VPS37A: variants seen among roughly 807,000 people sequenced by gnomAD.
VPS37A encodes the protein vacuolar protein sorting-associated protein 37A.
In VPS37A, 30 loss-of-function variants were observed where a neutral mutation model predicts 49.8. The observed-to-expected ratio is 0.60, with a 90% confidence interval of 0.45 to 0.82. The LOEUF (loss-of-function observed/expected upper bound fraction) is 0.82, where lower values mean the gene tolerates loss of function less well. VPS37A is among the 40% of genes least tolerant of loss of function. VPS37A has a pLI of 0.00. For missense variants in VPS37A, 593 were observed against 464.4 expected (o/e 1.28, Z -2.55); for synonymous variants, 195 against 160.6 (o/e 1.21, Z -1.62).
At chr8:17,283,259 GATCCTCCCAATTC>G (rs1815261733) in intron 9 of VPS37A, among the ~76,000 whole-genome samples, 2 of 151,818 alleles carry the variant, frequency 1.3e-5, no homozygotes, top group African/African-American at 4.8e-5. Context: ...AGGCTCAAGC[GATCCTCCCAATTC>G]ATCCTCCCAA....
At chr8:17,299,065 T>C (rs960912706), downstream of VPS37A, 8 of 152,220 alleles carry the variant, frequency 5.3e-5, no homozygotes, top group African/African-American at 1.2e-4. Context: ...ACACTGTCGG[T>C]AGTGTAGTCT....
intron 1 of VPS37A, among the ~76,000 whole-genome samples, chr8:17,254,895 T>G (rs1285367666): frequency 6.6e-6 from 1 of 152,354 alleles, no homozygotes; most frequent in African/African-American, 2.4e-5. Flanking sequence ...GATGTTTGTC[T>G]GTCTGTTCTC....
chr8:17,285,764 T>C (rs1815530898), intron 10 of VPS37A, among the ~76,000 whole-genome samples: 1 of 152,254 alleles, frequency 6.6e-6, no homozygotes, highest in Non-Finnish European at 1.5e-5. Flanking sequence ...AGCTTGTATC[T>C]GTTAATCTTC....
At position 17,295,181 on chromosome 8, in the gene VPS37A, C is replaced by G. The variant is rs1001028506; in HGVS notation, c.*195C>G. ...ATGATCTTTGAGAAATTTTTCTGCA[C>G]TATTTGCACTGAAATGTTTATTTAT... On this transcript the variant is annotated 3_prime_UTR_variant, in exon 12 of 12. Coordinates refer to ENST00000324849, the MANE Select transcript of VPS37A (RefSeq NM_152415.3). 3 of 152,644 alleles carry G rather than the reference C, an allele frequency of 2.0e-5. No individual in the cohort carries two copies. The highest frequency in any genetic ancestry group is 7.2e-5 in the African/African-American group (3 of 41,464). 9.5% of individuals were successfully genotyped at this position (152,644 alleles called of 1,614,324 possible).
intron 1 of VPS37A, among the ~76,000 whole-genome samples, chr8:17,260,743 GTTGT>G (rs778177433): frequency 1.2e-3 from 177 of 152,264 alleles, no homozygotes; most frequent in Non-Finnish European, 1.4e-3. Flanking sequence ...TGGATGGCAA[GTTGT>G]TTGTTTGTTT....
At chr8:17,328,277 T>C in the VPS37A span, among the ~76,000 whole-genome samples, 1 of 152,132 alleles carries the variant, frequency 6.6e-6, no homozygotes, top group Non-Finnish European at 1.5e-5. Context: ...GAGATGCAAG[T>C]AACTCCATAC....
chr8:17,306,268 A>C (rs1345074049), downstream of VPS37A, among the ~76,000 whole-genome samples: 1 of 152,196 alleles, frequency 6.6e-6, no homozygotes, highest in African/African-American at 2.4e-5. Flanking sequence ...TTAAAAGTAC[A>C]TTAGAACTTT....
intron 1 of VPS37A, among the ~76,000 whole-genome samples, chr8:17,250,180 A>C (rs1811839917): frequency 6.6e-6 from 1 of 152,114 alleles, no homozygotes; most frequent in South Asian, 2.1e-4. Flanking sequence ...TCTTCAATGG[A>C]GAAAGAGGGG....
At chr8:17,282,701 A>G (rs1815192134) in intron 9 of VPS37A, among the ~76,000 whole-genome samples, 1 of 152,140 alleles carries the variant, frequency 6.6e-6, no homozygotes, top group Non-Finnish European at 1.5e-5. Context: ...TTAAACATTC[A>G]TATAAGAATT....
downstream of VPS37A, chr8:17,301,980 A>G (rs73208601): frequency 0.11 from 79,169 of 730,916 alleles, 5,098 homozygotes; most frequent in South Asian, 0.21. Context: ...TTAAATGCCT[A>G]GGTTTGGGCT....
the VPS37A span, among the ~76,000 whole-genome samples, chr8:17,310,250 C>T: frequency 6.6e-6 from 1 of 152,098 alleles, no homozygotes; most frequent in Non-Finnish European, 1.5e-5. Flanking sequence ...AGCCTCCCTC[C>T]TTAACCTCCC....
At chr8:17,302,237 G>T (rs1817164288), downstream of VPS37A, 5 of 1,614,012 alleles carry the variant, frequency 3.1e-6, no homozygotes, top group Non-Finnish European at 4.2e-6. Flanking sequence ...GACTGTCGGG[G>T]CTGCATCCCC....
chr8:17,302,272 C>G (rs781066428), downstream of VPS37A: 10 of 1,612,850 alleles, frequency 6.2e-6, no homozygotes, highest in Non-Finnish European at 8.5e-6. Flanking sequence ...ATACATTCCA[C>G]TCCAAAACCT....
At chr8:17,313,373 A>C in the VPS37A span, 2 of 1,612,264 alleles carry the variant, frequency 1.2e-6, no homozygotes, top group Non-Finnish European at 1.7e-6. Context: ...ACAGGAAATC[A>C]CTCATGGAGG....
chr8:17,247,413 G>GGGGCCCCCCCCCCCCCCCGGGAAAAAA, intron 1 of VPS37A, 44 bp downstream of exon 1: 1 of 1,512,156 alleles, frequency 6.6e-7, no homozygotes, highest in Non-Finnish European at 8.9e-7. Context: ...AGTAGGGTGG[G>GGGGCCCCCCCCCCCCCCCGGGAAAAAA]AGGGCGGGCT....
Position 17,265,994 on chromosome 8 carries a change from G to C in VPS37A, c.200+13G>C. The C allele has an allele frequency of 6.3e-7, 1 of 1,598,282 alleles. No homozygotes were observed. Among genetic ancestry groups the C allele is most frequent in the Non-Finnish European group, 8.5e-7 (1 of 1,171,936 alleles). On this transcript the variant is annotated intron_variant, in intron 2 of 11. Transcript: ENST00000324849. ...TTAACATTAATATGTGAGTAGAATT[G>C]TATCCTACTTTTTCATGTAAAAGGA...
chr8:17,266,476 T>A (rs1172099527), intron 2 of VPS37A, among the ~76,000 whole-genome samples: 1 of 152,178 alleles, frequency 6.6e-6, no homozygotes, highest in Non-Finnish European at 1.5e-5. Context: ...TTTACTTAAG[T>A]TACAAAAAGT....
At chr8:17,257,142 A>T (rs1443528199) in intron 1 of VPS37A, among the ~76,000 whole-genome samples, 1 of 152,136 alleles carries the variant, frequency 6.6e-6, no homozygotes, top group Non-Finnish European at 1.5e-5. Flanking sequence ...TCTTCAGCAT[A>T]TAGTTACCCA....
At chr8:17,254,793 C>T (rs1012490140) in intron 1 of VPS37A, among the ~76,000 whole-genome samples, 2 of 151,770 alleles carry the variant, frequency 1.3e-5, no homozygotes, top group South Asian at 4.2e-4. Flanking sequence ...CACAAGTACC[C>T]CATAAATATG....
Sources: gnomAD v4.1 joint callset for allele counts (sites outside exome capture counted in the v4.1 genomes callset) on GRCh38, gnomAD v4.1.1 for gene constraint, MANE v1.5 for transcripts, NCBI Gene and HGNC (gene_info 2026-07-23, HGNC 2026-07-21) for gene names.